SPEF2: variants seen among roughly 807,000 people sequenced by gnomAD.
The protein encoded by SPEF2 is sperm flagellar and cilia associated 2, also known as sperm flagella and cilia-associated protein 2.
In SPEF2, 187 loss-of-function variants were observed where a neutral mutation model predicts 224.6. The ratio of observed to expected loss-of-function variants is 0.83; its 90% CI spans 0.74 to 0.94. SPEF2 has a LOEUF of 0.94. Among genes scored for constraint, SPEF2 ranks in the 40% least tolerant of loss-of-function variants. The pLI is 0.00. For missense variants in SPEF2, 2,170 were observed against 2,135.6 expected (o/e 1.02, Z -0.32); for synonymous variants, 715 against 707.3 (o/e 1.01, Z -0.17).
Position 35,654,711 on chromosome 5 carries a change from C to T in SPEF2, c.963C>T (p.Ala321=). The change falls in exon 7 of 37, where the codon GCC becomes GCT. Residue 321 remains alanine, a synonymous_variant. Coordinates refer to ENST00000356031, the MANE Select transcript of SPEF2 (RefSeq NM_024867.4). ...RRKLLMDQLI[A]HEAQEEAYRE... ...AATTGTTAATGGACCAGTTAATAGC[C>T]CACGAAGCACAAGAGGTAAGATATT... 1.9e-6 allele frequency: 3 copies of T among 1,605,176 alleles called. No homozygotes were observed. The highest frequency in any genetic ancestry group is 2.5e-6 in the Non-Finnish European group (3 of 1,177,914).
chr5:35,814,003 T>C (rs12521860), intron 36 of SPEF2, among the ~76,000 whole-genome samples: 63,823 of 152,062 alleles, frequency 0.42, 13,894 homozygotes, highest in African/African-American at 0.51. Flanking sequence ...CTGATGTTTT[T>C]ACAATGAAAG....
At chr5:35,745,650 G>A (rs1022416697) in intron 23 of SPEF2, among the ~76,000 whole-genome samples, 4 of 152,070 alleles carry the variant, frequency 2.6e-5, no homozygotes, top group Admixed American at 1.3e-4. Flanking sequence ...CCCCAACCCC[G>A]ACAGCAGCTG....
intron 12 of SPEF2, among the ~76,000 whole-genome samples, chr5:35,693,198 A>G (rs1187243080): frequency 6.6e-6 from 1 of 152,160 alleles, no homozygotes; most frequent in African/African-American, 2.4e-5. Flanking sequence ...GGCAGTTGCT[A>G]ACATCAAAGT....
chr5:35,641,268 A>C (rs918897576), intron 2 of SPEF2, among the ~76,000 whole-genome samples, 163 bp from the exon 3 acceptor site: 2 of 152,192 alleles, frequency 1.3e-5, no homozygotes, highest in Non-Finnish European at 2.9e-5. Context: ...GTCAATAAAA[A>C]AATCTCAATG....
At chr5:35,652,530 C>T (rs752564061) in intron 6 of SPEF2, among the ~76,000 whole-genome samples, 11 of 152,114 alleles carry the variant, frequency 7.2e-5, no homozygotes, top group Non-Finnish European at 1.3e-4. Flanking sequence ...TGACAGAATA[C>T]AATCAAAGGT....
intron 32 of SPEF2, among the ~76,000 whole-genome samples, 184 bp downstream of exon 32, chr5:35,793,525 C>T (rs768436154): frequency 2.0e-5 from 3 of 152,122 alleles, no homozygotes; most frequent in Non-Finnish European, 4.4e-5. Context: ...GGCTTCCATC[C>T]CCAGGGAAAA....
chr5:35,708,214 G>A (rs972208825), intron 18 of SPEF2, among the ~76,000 whole-genome samples: 1 of 152,022 alleles, frequency 6.6e-6, no homozygotes, highest in Non-Finnish European at 1.5e-5. Flanking sequence ...TGAATGAATT[G>A]CTAAGGCTTA....
intron 7 of SPEF2, 51 bp from the exon 8 acceptor site, chr5:35,658,968 A>G (rs1749328165): frequency 7.1e-7 from 1 of 1,414,644 alleles, no homozygotes; most frequent in African/African-American, 1.4e-5. Context: ...TTCGTAGCTC[A>G]GCGGGAAATT....
chr5:35,786,480 T>G (rs1457421837), intron 30 of SPEF2, among the ~76,000 whole-genome samples: 3 of 151,772 alleles, frequency 2.0e-5, no homozygotes, highest in Non-Finnish European at 2.9e-5. Flanking sequence ...ACCAATATGG[T>G]GAAACCCCGT....
intron 10 of SPEF2, among the ~76,000 whole-genome samples, chr5:35,673,465 A>G (rs938117116): frequency 2.6e-5 from 4 of 152,250 alleles, no homozygotes; most frequent in Admixed American, 6.5e-5. Context: ...ATAAACTAAA[A>G]TTAGCTCATG....
intron 19 of SPEF2, chr5:35,709,578 G>T: frequency 5.1e-6 from 5 of 986,456 alleles, no homozygotes; most frequent in Non-Finnish European, 6.0e-6. Flanking sequence ...ATATGTAATT[G>T]TAAATCTTCA....
In SPEF2 at chr5:35,685,713, A is replaced by G. The variant is rs1260410349; in HGVS notation, c.1525-5324A>G. Among the ~76,000 whole-genome samples the G allele has an allele frequency of 3.9e-5, 6 of 152,078 alleles. No individual in the cohort carries two copies. In the East Asian group the frequency reaches 1.2e-3, roughly 29 times the overall value. On this transcript the variant is annotated intron_variant, in intron 10 of 36. Transcript: ENST00000356031. ...GTGTAGTAATATTTATAAATCACAC[A>G]TCATCTATTTGACTGAAATGAAAAA...
chr5:35,673,858 T>C (rs1303304243), intron 10 of SPEF2, among the ~76,000 whole-genome samples: 1 of 152,192 alleles, frequency 6.6e-6, no homozygotes, highest in Non-Finnish European at 1.5e-5. Flanking sequence ...TGTACGCCTG[T>C]CACTACAGCA....
chr5:35,794,355 C>T (rs1040099872), intron 32 of SPEF2, among the ~76,000 whole-genome samples: 1 of 152,108 alleles, frequency 6.6e-6, no homozygotes, highest in Non-Finnish European at 1.5e-5. Flanking sequence ...ACCAATCATA[C>T]CCCTTCCTGT....
At chr5:35,738,650 G>C (rs1012231897) in intron 21 of SPEF2, among the ~76,000 whole-genome samples, 1 of 150,972 alleles carries the variant, frequency 6.6e-6, no homozygotes, top group African/African-American at 2.4e-5. Context: ...CATCCATCTA[G>C]GGGAAAGTTT....
At chr5:35,651,748 T>C (rs1262592023) in intron 6 of SPEF2, among the ~76,000 whole-genome samples, 1 of 152,196 alleles carries the variant, frequency 6.6e-6, no homozygotes, top group African/African-American at 2.4e-5. Context: ...AGGAGCACTT[T>C]CTGCAGCTGC....
chr5:35,624,392 T>G (rs1188887934), intron 1 of SPEF2, among the ~76,000 whole-genome samples: 1 of 152,210 alleles, frequency 6.6e-6, no homozygotes, highest in Non-Finnish European at 1.5e-5. Flanking sequence ...CCATTGTTCC[T>G]TGTTCTGGAG....
At chr5:35,662,913 G>C (rs1488973652) in intron 8 of SPEF2, among the ~76,000 whole-genome samples, 1 of 152,080 alleles carries the variant, frequency 6.6e-6, no homozygotes, top group African/African-American at 2.4e-5. Flanking sequence ...TGTTATTTGA[G>C]AGTGGGAGGA....
At chr5:35,634,761 T>G (rs1745591988) in intron 2 of SPEF2, among the ~76,000 whole-genome samples, 1 of 152,124 alleles carries the variant, frequency 6.6e-6, no homozygotes, top group African/African-American at 2.4e-5. Flanking sequence ...TTTCCTATAT[T>G]GTACATATCT....
Sources: gnomAD v4.1 joint callset for allele counts (sites outside exome capture counted in the v4.1 genomes callset) on GRCh38, gnomAD v4.1.1 for gene constraint, MANE v1.5 for transcripts, NCBI Gene and HGNC (gene_info 2026-07-23, HGNC 2026-07-21) for gene names.